Variants in FAM83A observed in about 807,000 individuals in gnomAD.
The protein encoded by FAM83A is protein FAM83A.
FAM83A carries 21 observed loss-of-function variants against 24.4 expected under a neutral mutation model. That is an observed-to-expected ratio of 0.86 (90% CI 0.61 to 1.24). The LOEUF is 1.24. FAM83A is among the 50% of genes most tolerant of loss of function. The pLI is 0.00. For missense variants in FAM83A, 617 were observed against 579.8 expected (o/e 1.06, Z -0.66); for synonymous variants, 270 against 252.4 (o/e 1.07, Z -0.66).
intron 3 of FAM83A, among the ~76,000 whole-genome samples, chr8:123,203,642 T>C (rs1824441605): frequency 7.0e-6 from 1 of 142,062 alleles, no homozygotes; most frequent in African/African-American, 2.6e-5. Context: ...AAAGACATCT[T>C]AAAGGAAGTG....
chr8:123,202,024 GA>G (rs1272018642), intron 3 of FAM83A: 2 of 152,410 alleles, frequency 1.3e-5, no homozygotes, highest in African/African-American at 4.8e-5. Context: ...TTGGGAACAG[GA>G]TGGGGAACAA....
At chr8:123,205,839 AG>A (rs1824533483) in intron 3 of FAM83A, among the ~76,000 whole-genome samples, 1 of 151,956 alleles carries the variant, frequency 6.6e-6, no homozygotes, top group Non-Finnish European at 1.5e-5. Flanking sequence ...AACAGAAAAG[AG>A]TTGGGGTTAA....
chr8:123,179,698 G>T (rs530133706), upstream of FAM83A: 16 of 152,306 alleles, frequency 1.1e-4, no homozygotes, highest in Admixed American at 1.0e-3. Context: ...CAAGAGCTGG[G>T]AACAGAAGCA....
At chr8:123,183,174 C>T in exon 1 of FAM83A, 1 of 1,613,744 alleles carries the variant, frequency 6.2e-7, no homozygotes, top group African/African-American at 1.3e-5. Flanking sequence ...GCACCTACTT[C>T]CCTGTGGCCT....
At chr8:123,183,207 A>G (rs1303317099) in exon 1 of FAM83A, 2 of 1,613,656 alleles carry the variant, frequency 1.2e-6, no homozygotes. Context: ...AGCCGGCCCT[A>G]CTGCACAGCT....
chr8:123,198,050 G>C (rs1244461210), intron 3 of FAM83A, among the ~76,000 whole-genome samples: 1 of 152,186 alleles, frequency 6.6e-6, no homozygotes, highest in Non-Finnish European at 1.5e-5. Flanking sequence ...GAATCACTTT[G>C]AACCTGGGAG....
At position 123,187,148 on chromosome 8, in the gene FAM83A, A is replaced by G. The variant is rs138165173; in HGVS notation, c.480+3812A>G. Among the ~76,000 whole-genome samples, 69 of 152,300 alleles carry G rather than the reference A, an allele frequency of 4.5e-4. No individual in the cohort carries two copies. The East Asian group carries it at 0.013, about 29-fold the overall frequency. On this transcript the variant is annotated intron_variant, in intron 1 of 3. Coordinates refer to ENST00000690554, the Ensembl canonical transcript of FAM83A. ...CTAAGGAGGGTCACATGCGAAAGTC[A>G]GGAGGTTTGAGAGGGCCCATGTGTC...
intron 3 of FAM83A, chr8:123,202,165 T>A (rs1326794081): frequency 6.6e-6 from 1 of 152,472 alleles, no homozygotes; most frequent in Admixed American, 6.5e-5. Context: ...TACTCGCCAC[T>A]GCTCCTAGGA....
At chr8:123,183,395 T>C (rs537561097) in intron 1 of FAM83A, 59 bp downstream of exon 1, 6 of 1,561,058 alleles carry the variant, frequency 3.8e-6, no homozygotes, top group African/African-American at 1.4e-5. Flanking sequence ...CGGGGGCTGA[T>C]AGAGCAGGGA....
At chr8:123,205,311 C>T (rs1299659114) in intron 3 of FAM83A, among the ~76,000 whole-genome samples, 7 of 152,132 alleles carry the variant, frequency 4.6e-5, no homozygotes, top group Non-Finnish European at 1.0e-4. Context: ...CTATGTTGCC[C>T]CATGCAGCCT....
chr8:123,180,349 T>C (rs897943294), upstream of FAM83A: 9 of 152,032 alleles, frequency 5.9e-5, no homozygotes, highest in African/African-American at 1.9e-4. Context: ...CAGAGGAAGA[T>C]AACAACCATC....
chr8:123,182,054 G>C (rs916771342), upstream of FAM83A: 14 of 456,156 alleles, frequency 3.1e-5, no homozygotes, highest in Admixed American at 2.6e-4. Flanking sequence ...CCCTGGGCTC[G>C]TGGGCCGCCG....
In FAM83A at chr8:123,209,471, C is replaced by CA; in HGVS notation, c.*1784dup. On this transcript the variant is annotated 3_prime_UTR_variant, in exon 4 of 4. Transcript: ENST00000690554. This position sits in a 1 kb window ranked among gnomAD's most constrained non-coding sequence, Gnocchi z 4.7. ...AAAACAAAAACAAAAAAACAAACAA[C>CA]ACTTTGGTTCCTGATGGCTTTCTGA... 1 of 1,614,174 alleles carries CA rather than the reference C, an allele frequency of 6.2e-7. No individual in the cohort carries two copies. Among genetic ancestry groups the CA allele is most frequent in the Non-Finnish European group, 8.5e-7 (1 of 1,180,028 alleles).
At chr8:123,207,557 G>C in exon 4 of FAM83A, 1 of 1,539,144 alleles carries the variant, frequency 6.5e-7, no homozygotes, top group Non-Finnish European at 8.7e-7. Context: ...GCCCCACGAC[G>C]GCCCGCCCGC....
At chr8:123,181,307 A>G (rs1823594669), upstream of FAM83A, among the ~76,000 whole-genome samples, 2 of 152,186 alleles carry the variant, frequency 1.3e-5, no homozygotes, top group African/African-American at 4.8e-5. Flanking sequence ...CCACAGCTAC[A>G]GTAGGGTTAC....
upstream of FAM83A, among the ~76,000 whole-genome samples, chr8:123,181,441 T>C (rs1306456980): frequency 6.6e-6 from 1 of 152,196 alleles, no homozygotes; most frequent in Non-Finnish European, 1.5e-5. Flanking sequence ...CCTGAGCAGA[T>C]AGCGTCAGGG....
At position 123,209,295 on chromosome 8, in the gene FAM83A, C is replaced by G. The variant is rs1290273807; in HGVS notation, c.*1607C>G. On this transcript the variant is annotated 3_prime_UTR_variant, in exon 4 of 4. Transcript: ENST00000690554. The surrounding 1 kb of genome is among the most constrained non-coding windows in gnomAD (Gnocchi z 4.7). The stretch of plus-strand genomic sequence containing the variant: ...GTGGCATCCTCCCTAGTCCCCTCTG[C>G]CCATCCATCCCTCTGTTCCAATTCT... 7.3e-7 allele frequency: 1 copy of G among 1,368,274 alleles called. No homozygotes were observed. Among genetic ancestry groups the G allele is most frequent in the African/African-American group, 1.5e-5 (1 of 67,888 alleles). The allele number at this position is 1,368,274 out of a possible 1,614,324, so 84.8% of individuals were successfully genotyped here.
At chr8:123,194,632 C>T (rs1393714911) in intron 3 of FAM83A, among the ~76,000 whole-genome samples, 1 of 151,926 alleles carries the variant, frequency 6.6e-6, no homozygotes, top group Non-Finnish European at 1.5e-5. Context: ...TGCAGGCACC[C>T]GCCACCACGC....
exon 4 of FAM83A, chr8:123,208,690 G>A: frequency 1.0e-6 from 1 of 985,456 alleles, no homozygotes; most frequent in Non-Finnish European, 1.2e-6. Context: ...AGAAATATAG[G>A]ATGCTTAGAA....
Sources: gnomAD v4.1 joint callset for allele counts (sites outside exome capture counted in the v4.1 genomes callset) on GRCh38, gnomAD v4.1.1 for gene constraint, Gnocchi (gnomAD v3.1) non-coding constraint, MANE v1.5 for transcripts, NCBI Gene and HGNC (gene_info 2026-07-23, HGNC 2026-07-21) for gene names.